The following THRB variants were observed in gnomAD, a reference collection of about 807,000 sequenced individuals.
THRB encodes thyroid hormone receptor beta.
In THRB, 12 loss-of-function variants were observed where a neutral mutation model predicts 47.8. The ratio of observed to expected loss-of-function variants is 0.25; its 90% CI spans 0.16 to 0.41. The LOEUF (loss-of-function observed/expected upper bound fraction) is 0.41, where lower values mean the gene tolerates loss of function less well. Among genes scored for constraint, THRB ranks in the 10% least tolerant of loss-of-function variants. The probability of loss-of-function intolerance (pLI) is 1.00; values close to 1 mark genes in which losing one functional copy is unlikely to be tolerated. For missense variants in THRB, 348 were observed against 589.2 expected (o/e 0.59, Z 4.24); for synonymous variants, 218 against 212.2 (o/e 1.03, Z -0.24).
chr3:24,192,020 C>A (rs1166763366), intron 4 of THRB, among the ~76,000 whole-genome samples: 1 of 152,116 alleles, frequency 6.6e-6, no homozygotes, highest in Admixed American at 6.5e-5. Flanking sequence ...TTGTATTAGG[C>A]ACATTATATA....
intron 9 of THRB, among the ~76,000 whole-genome samples, chr3:24,130,359 C>T (rs752268100): frequency 7.2e-5 from 11 of 152,276 alleles, no homozygotes; most frequent in African/African-American, 1.9e-4. Context: ...CTCCTGGTGG[C>T]GGAGATGGCT....
At chr3:24,341,604 C>T (rs1172908191) in intron 1 of THRB, among the ~76,000 whole-genome samples, 1 of 152,150 alleles carries the variant, frequency 6.6e-6, no homozygotes, top group East Asian at 1.9e-4. Context: ...CTCCCTGCAT[C>T]TACCCTTTTA....
intron 1 of THRB, among the ~76,000 whole-genome samples, chr3:24,453,727 T>C (rs1275789721): frequency 6.6e-6 from 1 of 152,240 alleles, no homozygotes; most frequent in Non-Finnish European, 1.5e-5. Flanking sequence ...CTAAGGTGTA[T>C]GTAAACCGGC....
intron 3 of THRB, among the ~76,000 whole-genome samples, chr3:24,274,048 A>AT (rs905125798): frequency 2.0e-5 from 3 of 151,940 alleles, no homozygotes; most frequent in African/African-American, 7.2e-5. Context: ...TCAATCCTCT[A>AT]TTTTTTTTCT....
At chr3:24,461,988 A>G (rs746755157) in intron 1 of THRB, among the ~76,000 whole-genome samples, 80 of 152,232 alleles carry the variant, frequency 5.3e-4, no homozygotes, top group Non-Finnish European at 8.1e-4. Context: ...AGATGTCCAC[A>G]AAATTATATA....
intron 1 of THRB, among the ~76,000 whole-genome samples, chr3:24,362,388 A>G (rs1244192814): frequency 1.3e-5 from 2 of 152,148 alleles, no homozygotes; most frequent in African/African-American, 4.8e-5. Context: ...CCTTCATAAG[A>G]GATGCTCTTC....
At chr3:24,149,552 T>A (rs1446693882) in intron 6 of THRB, among the ~76,000 whole-genome samples, 1 of 152,164 alleles carries the variant, frequency 6.6e-6, no homozygotes, top group East Asian at 1.9e-4. Flanking sequence ...CACAAAAGAG[T>A]TGAGATAGCT....
At chr3:24,160,190 C>T (rs988027856) in intron 5 of THRB, among the ~76,000 whole-genome samples, 1 of 152,082 alleles carries the variant, frequency 6.6e-6, no homozygotes, top group Non-Finnish European at 1.5e-5. Flanking sequence ...ACTAGGGTGA[C>T]AGAGAGAGGA....
chr3:24,441,251 TA>T (rs2071497686), intron 1 of THRB, among the ~76,000 whole-genome samples: 1 of 152,110 alleles, frequency 6.6e-6, no homozygotes, highest in African/African-American at 2.4e-5. Context: ...CTATACTAAG[TA>T]AAGCAGTCAA....
chr3:24,376,241 G>A (rs1404375702), intron 1 of THRB, among the ~76,000 whole-genome samples: 1 of 152,174 alleles, frequency 6.6e-6, no homozygotes, highest in Non-Finnish European at 1.5e-5. Flanking sequence ...AACAGTCCAC[G>A]GCTGTGATCC....
At chr3:24,481,338 G>A (rs962245964) in intron 1 of THRB, among the ~76,000 whole-genome samples, 3 of 145,456 alleles carry the variant, frequency 2.1e-5, no homozygotes, top group Non-Finnish European at 4.5e-5. Flanking sequence ...GGCCTTGTAA[G>A]TGTATATTCT....
At chr3:24,239,678 G>A (rs538710192) in intron 3 of THRB, among the ~76,000 whole-genome samples, 12 of 152,072 alleles carry the variant, frequency 7.9e-5, no homozygotes, top group African/African-American at 2.2e-4. Context: ...AAGGAAAGAA[G>A]TCCCTCAAAG....
intron 4 of THRB, among the ~76,000 whole-genome samples, chr3:24,198,446 C>A (rs2044219924): frequency 1.5e-4 from 1 of 6,586 alleles, no homozygotes; most frequent in Non-Finnish European, 3.5e-4. Context: ...CAAAGTGTCT[C>A]CCCCCGCCCC....
chr3:24,258,814 G>T (rs2051604556), intron 3 of THRB, among the ~76,000 whole-genome samples: 5 of 152,174 alleles, frequency 3.3e-5, no homozygotes, highest in Admixed American at 3.3e-4. Flanking sequence ...CAAAGAACTA[G>T]AACGAGGTTA....
intron 5 of THRB, among the ~76,000 whole-genome samples, chr3:24,160,929 A>G (rs1302303156): frequency 6.6e-6 from 1 of 152,216 alleles, no homozygotes; most frequent in Non-Finnish European, 1.5e-5. Flanking sequence ...TCCTACTGTT[A>G]GCTTTCATTG....
At chr3:24,287,173 T>C (rs2055396263) in intron 3 of THRB, among the ~76,000 whole-genome samples, 1 of 152,166 alleles carries the variant, frequency 6.6e-6, no homozygotes, top group African/African-American at 2.4e-5. Context: ...TTTCATATTC[T>C]TTCCTTTGCC....
At chr3:24,235,782 C>T (rs1401340825) in intron 3 of THRB, among the ~76,000 whole-genome samples, 1 of 152,158 alleles carries the variant, frequency 6.6e-6, no homozygotes, top group African/African-American at 2.4e-5. Flanking sequence ...GCAAACGTGA[C>T]TAGATGCAGA....
At chr3:24,409,798 A>G (rs915237193) in intron 1 of THRB, among the ~76,000 whole-genome samples, 13 of 151,842 alleles carry the variant, frequency 8.6e-5, no homozygotes, top group African/African-American at 2.9e-4. Flanking sequence ...AAAATAATGT[A>G]AAAAATACCC....
At chr3:24,393,539 C>T (rs1226678382) in intron 1 of THRB, among the ~76,000 whole-genome samples, 4 of 152,144 alleles carry the variant, frequency 2.6e-5, no homozygotes, top group African/African-American at 9.7e-5. Flanking sequence ...GGTCACAATA[C>T]ATTCCATTGC....
Sources: gnomAD v4.1 joint callset for allele counts (sites outside exome capture counted in the v4.1 genomes callset) on GRCh38, gnomAD v4.1.1 for gene constraint, MANE v1.5 for transcripts, NCBI Gene and HGNC (gene_info 2026-07-23, HGNC 2026-07-21) for gene names.